The following SNX29 variants were observed in gnomAD, a reference collection of about 807,000 sequenced individuals.
SNX29 encodes the protein sorting nexin-29.
SNX29 carries 78 observed loss-of-function variants against 102.1 expected under a neutral mutation model. The observed-to-expected ratio is 0.76, with a 90% CI of 0.64 to 0.92. The LOEUF (loss-of-function observed/expected upper bound fraction) is 0.92. SNX29 is among the 40% of genes least tolerant of loss of function. The probability of loss-of-function intolerance (pLI) is 0.00; values close to 1 mark genes in which losing one functional copy is unlikely to be tolerated. For synonymous variants in SNX29, 580 were observed against 414.5 expected (o/e 1.40, Z -4.85); for missense variants, 1,280 against 1,061.7 (o/e 1.21, Z -2.86).
chr16:12,533,472 C>A (rs970035670), intron 20 of SNX29, among the ~76,000 whole-genome samples: 1 of 152,232 alleles, frequency 6.6e-6, no homozygotes, highest in African/African-American at 2.4e-5. Context: ...CCCCCATCCC[C>A]AGCAGTGGGG....
At chr16:12,040,008 G>A (rs1454556618) in intron 4 of SNX29, among the ~76,000 whole-genome samples, 1 of 152,194 alleles carries the variant, frequency 6.6e-6, no homozygotes, top group Non-Finnish European at 1.5e-5. Flanking sequence ...AAATGTTAAA[G>A]AGGCAATGTT....
At chr16:12,203,277 G>A (rs1343820976) in intron 14 of SNX29, among the ~76,000 whole-genome samples, 2 of 151,412 alleles carry the variant, frequency 1.3e-5, no homozygotes, top group African/African-American at 2.4e-5. Flanking sequence ...TGCGTAGTGT[G>A]GCCCCACTCT....
chr16:12,179,983 A>G (rs748473461), intron 13 of SNX29, among the ~76,000 whole-genome samples: 37 of 152,276 alleles, frequency 2.4e-4, no homozygotes, highest in Non-Finnish European at 2.6e-4. Context: ...GGTACATGGC[A>G]TGTTCTTTCA....
chr16:12,511,767 A>T (rs1226552680), intron 19 of SNX29, among the ~76,000 whole-genome samples: 2 of 152,030 alleles, frequency 1.3e-5, no homozygotes, highest in African/African-American at 4.8e-5. Context: ...ATGATCTGTC[A>T]TCCCCCCTCC....
At chr16:12,413,952 C>T (rs537779029) in intron 18 of SNX29, among the ~76,000 whole-genome samples, 8 of 152,324 alleles carry the variant, frequency 5.3e-5, no homozygotes, top group Admixed American at 3.3e-4. Flanking sequence ...GCTCAAGTCC[C>T]TCATATAAAA....
In SNX29 at chr16:12,571,538, G is replaced by C. The variant is rs556745561; in HGVS notation, c.*2909G>C. ...CCTTGGATTCCTGGGACCACCCTTT[G>C]CTGGGAGGAAGAATCCACACCGAAT... On this transcript the variant is annotated 3_prime_UTR_variant, in exon 21 of 21. Transcript: ENST00000566228. 2 of 912,232 alleles carry C rather than the reference G, an allele frequency of 2.2e-6. No homozygotes were observed. Among genetic ancestry groups the C allele is most frequent in the Non-Finnish European group, 2.7e-6 (2 of 740,270 alleles). 56.5% of individuals were successfully genotyped at this position (912,232 alleles called of 1,614,324 possible).
intron 11 of SNX29, among the ~76,000 whole-genome samples, chr16:12,126,286 A>T (rs2054211025): frequency 6.6e-6 from 1 of 152,260 alleles, no homozygotes; most frequent in Non-Finnish European, 1.5e-5. Flanking sequence ...ATTCCTAAGC[A>T]TCTCACTTAC....
chr16:12,563,768 T>C (rs2903040), intron 20 of SNX29, among the ~76,000 whole-genome samples: 145,669 of 152,260 alleles, frequency 0.96, 69,829 homozygotes, highest in Non-Finnish European at 0.98. Flanking sequence ...TCTCCACCCT[T>C]GTCTGCCGAC....
intron 4 of SNX29, among the ~76,000 whole-genome samples, chr16:12,028,782 C>T (rs11075042): frequency 0.41 from 61,833 of 151,622 alleles, 13,380 homozygotes; most frequent in Non-Finnish European, 0.48. Flanking sequence ...GAGTCTTGCT[C>T]TTGTCGCCCA....
chr16:12,285,762 A>AT (rs1415977921), intron 15 of SNX29, among the ~76,000 whole-genome samples: 1 of 152,208 alleles, frequency 6.6e-6, no homozygotes, highest in African/African-American at 2.4e-5. Flanking sequence ...AAAATACTGG[A>AT]TTTTTTATAA....
chr16:12,215,056 A>G (rs953720553), intron 14 of SNX29, among the ~76,000 whole-genome samples: 1 of 152,166 alleles, frequency 6.6e-6, no homozygotes, highest in Non-Finnish European at 1.5e-5. Flanking sequence ...GAGTGAATGC[A>G]TGAATGAGTT....
chr16:12,383,657 A>T (rs1249014250), intron 16 of SNX29, among the ~76,000 whole-genome samples: 1 of 151,738 alleles, frequency 6.6e-6, no homozygotes, highest in South Asian at 2.1e-4. Context: ...GCTGGTCTCG[A>T]ATTCCTGACC....
intron 19 of SNX29, among the ~76,000 whole-genome samples, chr16:12,495,939 G>C (rs1385086944): frequency 6.6e-6 from 1 of 152,192 alleles, no homozygotes; most frequent in Non-Finnish European, 1.5e-5. Flanking sequence ...TGTAATCCCA[G>C]CTGGAGGCTG....
chr16:12,169,181 A>G (rs748884402), intron 13 of SNX29, among the ~76,000 whole-genome samples: 22 of 152,188 alleles, frequency 1.4e-4, no homozygotes, highest in Admixed American at 7.2e-4. Flanking sequence ...ATTGTTTGGT[A>G]TGTGAATTGT....
intron 19 of SNX29, chr16:12,515,703 C>T (rs2089833633): frequency 2.2e-6 from 1 of 451,884 alleles, no homozygotes; most frequent in Admixed American, 2.4e-5. Context: ...TGCTTGTTGG[C>T]TCTACTGGAT....
chr16:12,021,221 C>G lies in SNX29; in HGVS notation c.123-6099C>G, dbSNP rs571344116. ...GCAGGCGGATCACAATTCAGGAGTT[C>G]GAGACCAGCCTGGCCAACACAGTGA... is the stretch of plus-strand genomic sequence containing the variant. On this transcript the variant is annotated intron_variant, in intron 3 of 20. Transcript: ENST00000566228. Among the ~76,000 whole-genome samples the G allele has an allele frequency of 4.6e-5, 7 of 151,912 alleles. No individual in the cohort carries two copies. The South Asian group carries it at 6.3e-4, about 14-fold the overall frequency.
At chr16:12,564,001 C>G (rs1044943944) in intron 20 of SNX29, among the ~76,000 whole-genome samples, 1 of 152,200 alleles carries the variant, frequency 6.6e-6, no homozygotes, top group Non-Finnish European at 1.5e-5. Flanking sequence ...CTGCAGCACC[C>G]TCTTCCCCCA....
intron 18 of SNX29, among the ~76,000 whole-genome samples, chr16:12,425,755 A>G (rs906747029): frequency 1.3e-5 from 2 of 152,062 alleles, no homozygotes. Context: ...TTCCCCAGCC[A>G]GGAATTCATT....
intron 19 of SNX29, among the ~76,000 whole-genome samples, chr16:12,521,386 C>G (rs912232363): frequency 1.3e-5 from 2 of 151,800 alleles, no homozygotes; most frequent in African/African-American, 4.8e-5. Flanking sequence ...GGGATTTCTC[C>G]AGGGGCCTCT....
Sources: allele counts gnomAD v4.1 joint callset (sites outside exome capture counted in the v4.1 genomes callset), GRCh38; gene constraint gnomAD v4.1.1; transcripts MANE v1.5; gene names NCBI Gene and HGNC (gene_info 2026-07-23, HGNC 2026-07-21).